BFSP2: variants seen among roughly 807,000 people sequenced by gnomAD.
The protein encoded by BFSP2 is beaded filament structural protein 2.
In BFSP2, 38 loss-of-function variants were observed where a neutral mutation model predicts 44.9. The observed-to-expected ratio is 0.85, with a 90% confidence interval of 0.65 to 1.11. The LOEUF (loss-of-function observed/expected upper bound fraction) is 1.11, where lower values mean the gene tolerates loss of function less well. Ranked by LOEUF, BFSP2 falls within the 50% of genes least tolerant of loss-of-function variation. BFSP2 has a pLI of 0.00. For synonymous variants in BFSP2, 197 were observed against 209.9 expected (o/e 0.94, Z 0.53); for missense variants, 525 against 533.0 (o/e 0.99, Z 0.15).
intron 1 of BFSP2, among the ~76,000 whole-genome samples, chr3:133,417,778 T>TCC (rs2073555287): frequency 7.4e-6 from 1 of 134,880 alleles, no homozygotes; most frequent in Non-Finnish European, 1.6e-5. Context: ...TCTCCTCTAT[T>TCC]CACCCCTCTA....
chr3:133,406,185 C>G (rs1012890176), intron 1 of BFSP2, among the ~76,000 whole-genome samples: 1 of 152,004 alleles, frequency 6.6e-6, no homozygotes, highest in Non-Finnish European at 1.5e-5. Context: ...TCTCAAACTC[C>G]TGACCTCAGG....
chr3:133,439,159 A>C (rs2073820380), intron 1 of BFSP2, among the ~76,000 whole-genome samples: 1 of 152,224 alleles, frequency 6.6e-6, no homozygotes, highest in Non-Finnish European at 1.5e-5. Flanking sequence ...TAAGTGTAGT[A>C]AGTGCTTTAA....
At chr3:133,467,601 C>T (rs945381183) in intron 5 of BFSP2, among the ~76,000 whole-genome samples, 3 of 151,946 alleles carry the variant, frequency 2.0e-5, no homozygotes, top group Non-Finnish European at 2.9e-5. Context: ...TTTGCAAGCT[C>T]GTCTCTTTCA....
intron 6 of BFSP2, among the ~76,000 whole-genome samples, chr3:133,473,661 T>C (rs976236545): frequency 1.9e-4 from 28 of 151,050 alleles, no homozygotes; most frequent in African/African-American, 6.1e-4. Context: ...GTGATGACTC[T>C]TAACGAGCAT....
rs2073355753 is a variant in BFSP2 at position 133,400,628 on chromosome 3, G to A, written c.489+56G>A. 4 of 1,553,804 alleles carry A rather than the reference G, an allele frequency of 2.6e-6. No individual in the cohort carries two copies. The highest frequency in any genetic ancestry group is 2.4e-5 in the East Asian group (1 of 41,234). On this transcript the variant is annotated intron_variant, in intron 1 of 6. Transcript: ENST00000302334. This position sits in a 1 kb window ranked among gnomAD's most constrained non-coding sequence, Gnocchi z 4.0. ...CAGAGGGCTGGGAGGGGCTGCTGAA[G>A]GCAGCGGGTAGGGTTGTGAGTAGGC...
intron 5 of BFSP2, 114 bp from the exon 6 acceptor site, chr3:133,472,231 C>T: frequency 8.3e-7 from 1 of 1,210,308 alleles, no homozygotes; most frequent in South Asian, 1.3e-5. Context: ...AAGGTCCCTG[C>T]CACGAGGGGA....
chr3:133,415,351 T>TCTACTCCCCCCTGCCCTCTCTCCC (rs2073510955), intron 1 of BFSP2, among the ~76,000 whole-genome samples: 2 of 26,010 alleles, frequency 7.7e-5, no homozygotes, highest in East Asian at 3.0e-3. Context: ...TCCTCTCCCC[T>TCTACTCCCCCCTGCCCTCTCTCCC]CTACTCACCC....
chr3:133,425,807 G>GGAAATAAA lies in BFSP2; in HGVS notation c.490-21507_490-21506insATAAAGAA, dbSNP rs1194814215. Among the ~76,000 whole-genome samples the GGAAATAAA allele has an allele frequency of 1.6e-3, 188 of 120,554 alleles. 3 individuals are homozygous for GGAAATAAA. Among genetic ancestry groups the GGAAATAAA allele is most frequent in the African/African-American group, 5.4e-3 (135 of 25,042 alleles). 79.1% of individuals were successfully genotyped at this position (120,554 alleles called of 152,430 possible). A position where few individuals can be genotyped will look rare whatever the true frequency, so the allele number is the denominator to read the frequency against. ...AGGGAAGGGAAGGGAAGGGAAGAAG[G>GGAAATAAA]GAAGGGAAGGGAAATAAAGAAGGGA... On this transcript the variant is annotated intron_variant, in intron 1 of 6. Coordinates refer to ENST00000302334, the MANE Select transcript of BFSP2 (RefSeq NM_003571.4).
chr3:133,474,502 T>A (rs2074196853), intron 6 of BFSP2, among the ~76,000 whole-genome samples: 1 of 152,238 alleles, frequency 6.6e-6, no homozygotes, highest in Admixed American at 6.5e-5. Flanking sequence ...TCTCCAACTG[T>A]CTTTTATTGA....
chr3:133,433,017 C>T (rs1158196055), intron 1 of BFSP2, among the ~76,000 whole-genome samples: 1 of 152,214 alleles, frequency 6.6e-6, no homozygotes, highest in East Asian at 1.9e-4. Context: ...CTCATAACTT[C>T]CAAAATCGAT....
At chr3:133,434,478 C>T (rs937874037) in intron 1 of BFSP2, among the ~76,000 whole-genome samples, 2 of 152,004 alleles carry the variant, frequency 1.3e-5, no homozygotes, top group African/African-American at 4.8e-5. Context: ...AAATTTTCGC[C>T]GCCCCAACAC....
chr3:133,454,373 G>T (rs1559978512), intron 4 of BFSP2, among the ~76,000 whole-genome samples: 1 of 152,092 alleles, frequency 6.6e-6, no homozygotes, highest in Non-Finnish European at 1.5e-5. Flanking sequence ...CTTACAAAAT[G>T]CTTCTGACAC....
Position 133,400,083 on chromosome 3 carries a change from G to T in BFSP2, c.-1G>T. The T allele has an allele frequency of 1.9e-6, 3 of 1,614,176 alleles. No individual in the cohort carries two copies. The highest frequency in any genetic ancestry group is 2.5e-6 in the Non-Finnish European group (3 of 1,180,042). On this transcript the variant is annotated 5_prime_UTR_variant, in exon 1 of 7. Transcript: ENST00000302334. The surrounding 1 kb of genome is among the most constrained non-coding windows in gnomAD (Gnocchi z 4.0). ...TGGGCACCACAGAGGCAGAAGGGGT[G>T]ATGAGTGAGAGGCGAGTGGTAGTGG...
intron 1 of BFSP2, among the ~76,000 whole-genome samples, chr3:133,424,837 G>A (rs542229599): frequency 6.6e-6 from 1 of 152,282 alleles, no homozygotes; most frequent in South Asian, 2.1e-4. Flanking sequence ...GTTTCGCCAT[G>A]TTGGCCAGGC....
intron 1 of BFSP2, among the ~76,000 whole-genome samples, chr3:133,413,465 G>A (rs1412291694): frequency 6.6e-6 from 1 of 152,136 alleles, no homozygotes; most frequent in Non-Finnish European, 1.5e-5. Flanking sequence ...AAGTGCTGAG[G>A]ACAAATGTGG....
At chr3:133,403,731 A>G (rs1350487890) in intron 1 of BFSP2, among the ~76,000 whole-genome samples, 11 of 152,130 alleles carry the variant, frequency 7.2e-5, no homozygotes, top group African/African-American at 2.4e-4. Flanking sequence ...CCTCCCTGCC[A>G]TCACCACCCC....
At chr3:133,431,440 C>A (rs2073716954) in intron 1 of BFSP2, among the ~76,000 whole-genome samples, 1 of 152,156 alleles carries the variant, frequency 6.6e-6, no homozygotes, top group Non-Finnish European at 1.5e-5. Context: ...CCAAGGAATG[C>A]CCGCAGCCCA....
At chr3:133,428,808 C>A (rs912320942) in intron 1 of BFSP2, among the ~76,000 whole-genome samples, 1 of 152,240 alleles carries the variant, frequency 6.6e-6, no homozygotes, top group African/African-American at 2.4e-5. Flanking sequence ...ATACCGCCTG[C>A]CCTCGCTCTG....
intron 1 of BFSP2, among the ~76,000 whole-genome samples, chr3:133,406,169 G>C (rs1233758244): frequency 6.6e-6 from 1 of 150,970 alleles, no homozygotes; most frequent in East Asian, 1.9e-4. Flanking sequence ...ATGTTGGCCA[G>C]GCTGGTCTCA....
Sources: allele counts gnomAD v4.1 joint callset (sites outside exome capture counted in the v4.1 genomes callset), GRCh38; gene constraint gnomAD v4.1.1; non-coding constraint Gnocchi (gnomAD v3.1); transcripts MANE v1.5; gene names NCBI Gene and HGNC (gene_info 2026-07-23, HGNC 2026-07-21).